TSPAN5: variants seen among roughly 807,000 people sequenced by gnomAD.
TSPAN5 encodes tetraspanin-5.
In TSPAN5, 10 loss-of-function variants were observed where a neutral mutation model predicts 37.1. The ratio of observed to expected loss-of-function variants is 0.27; its 90% CI spans 0.17 to 0.46. The LOEUF is 0.46. Among genes scored for constraint, TSPAN5 ranks in the 20% least tolerant of loss-of-function variants. TSPAN5 has a pLI of 1.00. For synonymous variants in TSPAN5, 110 were observed against 118.9 expected (o/e 0.93, Z 0.48); for missense variants, 195 against 326.6 (o/e 0.60, Z 3.11).
At chr4:98,520,198 T>C (rs17499015) in intron 1 of TSPAN5, among the ~76,000 whole-genome samples, 31,018 of 151,956 alleles carry the variant, frequency 0.2, 3,313 homozygotes, top group South Asian at 0.23. Context: ...AAGAAAGAGG[T>C]GCCACCAAAG....
chr4:98,598,527 C>T (rs111405218), intron 1 of TSPAN5, among the ~76,000 whole-genome samples: 1,787 of 152,032 alleles, frequency 0.012, 33 homozygotes, highest in African/African-American at 0.04. Flanking sequence ...TGCAGTGGCG[C>T]GGTCTGTGCT....
rs374717920 is a variant in TSPAN5 at position 98,475,778 on chromosome 4, A to G, written c.741+411T>C. On this transcript the variant is annotated intron_variant, in intron 7 of 7. Transcript: ENST00000305798. Reference sequence around the variant, plus strand: ...GCCGAGATGGGCGGATCACGAGGTCAGGAGATCGAGACCATCCTAGCTAAC... The same window carrying G: ...GCCGAGATGGGCGGATCACGAGGTCGGGAGATCGAGACCATCCTAGCTAAC... 3.4e-3 allele frequency among the ~76,000 whole-genome samples: 525 copies of G among 152,308 alleles called. 1 individual carries two copies. The highest frequency in any genetic ancestry group is 0.012 in the African/African-American group (491 of 41,560).
Position 98,658,292 on chromosome 4 carries a change from G to T in TSPAN5, c.-66C>A. 1 of 1,340,374 alleles carries T rather than the reference G, an allele frequency of 7.5e-7. No individual in the cohort carries two copies. The highest frequency in any genetic ancestry group is 2.3e-5 in the East Asian group (1 of 43,422). The allele number at this position is 1,340,374 out of a possible 1,614,324, so 83.0% of individuals were successfully genotyped here. Reference sequence around the variant, plus strand: ...TTGGAGCTCCGAAGCACCGTTGCTCGGAGCAGCCCGGCGGGGAGCAGGAGC... The same window carrying T: ...TTGGAGCTCCGAAGCACCGTTGCTCTGAGCAGCCCGGCGGGGAGCAGGAGC... On this transcript the variant is annotated 5_prime_UTR_variant, in exon 1 of 8. Coordinates refer to ENST00000305798, the MANE Select transcript of TSPAN5 (RefSeq NM_005723.4).
chr4:98,642,111 A>G (rs78766545), intron 1 of TSPAN5, among the ~76,000 whole-genome samples: 3,751 of 152,308 alleles, frequency 0.025, 70 homozygotes, highest in Middle Eastern at 0.041. Context: ...ACAATGAAAT[A>G]AGCATTTGCA....
chr4:98,555,479 C>T (rs1754720297), intron 1 of TSPAN5, among the ~76,000 whole-genome samples: 1 of 152,180 alleles, frequency 6.6e-6, no homozygotes, highest in African/African-American at 2.4e-5. Context: ...ACTAACCACA[C>T]TTCCTGAAAT....
chr4:98,473,708 C>T (rs1047728835), intron 7 of TSPAN5, among the ~76,000 whole-genome samples: 25 of 152,214 alleles, frequency 1.6e-4, no homozygotes, highest in African/African-American at 6.0e-4. Context: ...ATCCACCCGC[C>T]TCGGCCTTTA....
intron 1 of TSPAN5, among the ~76,000 whole-genome samples, chr4:98,564,734 A>G (rs112785458): frequency 0.13 from 19,407 of 150,640 alleles, 2,483 homozygotes; most frequent in African/African-American, 0.29. Flanking sequence ...TCTTGCTGTC[A>G]CCCAGGCTGG....
intron 1 of TSPAN5, among the ~76,000 whole-genome samples, chr4:98,657,243 C>A (rs982746761): frequency 3.3e-5 from 5 of 152,150 alleles, no homozygotes; most frequent in East Asian, 1.9e-4. Flanking sequence ...GGCGTCCCAG[C>A]CTAATTACAA....
intron 3 of TSPAN5, chr4:98,483,017 G>T (rs954439377): frequency 6.6e-6 from 1 of 152,240 alleles, no homozygotes; most frequent in African/African-American, 2.4e-5. Flanking sequence ...ACTCAGAAGA[G>T]TCTCAGCTTA....
intron 1 of TSPAN5, among the ~76,000 whole-genome samples, chr4:98,648,241 A>G (rs1757111376): frequency 6.6e-6 from 1 of 152,224 alleles, no homozygotes; most frequent in African/African-American, 2.4e-5. Context: ...ACCTTGACGC[A>G]GAAAGCAACT....
intron 2 of TSPAN5, among the ~76,000 whole-genome samples, chr4:98,502,989 TAGCAGAA>T (rs927180307): frequency 5.3e-5 from 8 of 151,928 alleles, no homozygotes; most frequent in African/African-American, 1.7e-4. Context: ...CAGTCTGCCT[TAGCAGAA>T]GGAATAGAGG....
chr4:98,559,821 T>A (rs1253025707), intron 1 of TSPAN5, among the ~76,000 whole-genome samples: 1 of 152,182 alleles, frequency 6.6e-6, no homozygotes, highest in African/African-American at 2.4e-5. Flanking sequence ...GTCAACCAGC[T>A]GTTAACAGCC....
chr4:98,524,728 G>C (rs1753924976), intron 1 of TSPAN5, among the ~76,000 whole-genome samples: 1 of 151,656 alleles, frequency 6.6e-6, no homozygotes, highest in Non-Finnish European at 1.5e-5. Flanking sequence ...TCTGAGTACT[G>C]AATTAACAAA....
chr4:98,567,683 T>C (rs1283280977), intron 1 of TSPAN5, among the ~76,000 whole-genome samples: 2 of 151,982 alleles, frequency 1.3e-5, no homozygotes, highest in Non-Finnish European at 2.9e-5. Flanking sequence ...TGGTGAGCAA[T>C]GAGGGCTAGA....
In TSPAN5 at chr4:98,626,291, C is replaced by T. The variant is rs550034693; in HGVS notation, c.81+31855G>A. 5.3e-5 allele frequency among the ~76,000 whole-genome samples: 8 copies of T among 152,310 alleles called. No homozygotes were observed. The South Asian group carries it at 1.7e-3, about 32-fold the overall frequency. ...CCCCTTTATGTGCTAATAGGACAAACAGATACACAAAGGGCTTATCATAAC... is the reference window on the plus strand; with the variant it reads ...CCCCTTTATGTGCTAATAGGACAAATAGATACACAAAGGGCTTATCATAAC... On this transcript the variant is annotated intron_variant, in intron 1 of 7. Transcript: ENST00000305798.
At chr4:98,574,836 C>A in intron 1 of TSPAN5, 1 of 152,386 alleles carries the variant, frequency 6.6e-6, no homozygotes, top group Non-Finnish European at 1.5e-5. Flanking sequence ...GGCCGCTCTG[C>A]CTGGTGAAGT....
At chr4:98,606,810 T>C (rs1756048404) in intron 1 of TSPAN5, among the ~76,000 whole-genome samples, 1 of 152,230 alleles carries the variant, frequency 6.6e-6, no homozygotes, top group Non-Finnish European at 1.5e-5. Flanking sequence ...TTTGGTTCTA[T>C]AAAGGCTTTA....
At chr4:98,563,944 C>T (rs1474482619) in intron 1 of TSPAN5, among the ~76,000 whole-genome samples, 3 of 152,290 alleles carry the variant, frequency 2.0e-5, no homozygotes, top group Admixed American at 1.3e-4. Flanking sequence ...TTACCTGGCC[C>T]ACTACGTCAA....
Position 98,571,707 on chromosome 4 carries a change from C to A in TSPAN5, c.82-63979G>T, listed in dbSNP as rs570071168. ...AACCTGGATGCAAATCACGGCTGCT[C>A]CTCTCAGCTGTGTGTATGTAAAATG... is the stretch of plus-strand genomic sequence containing the variant. On this transcript the variant is annotated intron_variant, in intron 1 of 7. Coordinates refer to ENST00000305798, the MANE Select transcript of TSPAN5 (RefSeq NM_005723.4). Among the ~76,000 whole-genome samples, 22 of 152,212 alleles carry A rather than the reference C, an allele frequency of 1.4e-4. No homozygotes were observed. In the East Asian group the frequency reaches 4.3e-3, roughly 29 times the overall value.
Sources: gnomAD v4.1 joint callset for allele counts (sites outside exome capture counted in the v4.1 genomes callset) on GRCh38, gnomAD v4.1.1 for gene constraint, MANE v1.5 for transcripts, NCBI Gene and HGNC (gene_info 2026-07-23, HGNC 2026-07-21) for gene names.